The following SAMD12 variants were observed in gnomAD, a reference collection of about 807,000 sequenced individuals.
SAMD12 encodes sterile alpha motif domain containing 12.
Under a neutral mutation model 15.0 loss-of-function variants are expected in SAMD12, and 9 were observed. The observed-to-expected ratio is 0.60, with a 90% CI of 0.36 to 1.05. The LOEUF (loss-of-function observed/expected upper bound fraction) is 1.05. Ranked by LOEUF, SAMD12 falls within the 50% of genes least tolerant of loss-of-function variation. SAMD12 has a pLI of 0.01. For synonymous variants in SAMD12, 86 were observed against 90.1 expected (o/e 0.96, Z 0.25); for missense variants, 230 against 234.2 (o/e 0.98, Z 0.12).
intron 4 of SAMD12, among the ~76,000 whole-genome samples, chr8:118,340,723 T>G (rs1373249168): frequency 6.6e-6 from 1 of 152,024 alleles, no homozygotes; most frequent in African/African-American, 2.4e-5. Flanking sequence ...GAGCCAAGAT[T>G]TTGTCACTGC....
rs369744692 is a variant in SAMD12 at position 118,464,954 on chromosome 8, T to C, written c.193-24993A>G. Among the ~76,000 whole-genome samples the C allele has an allele frequency of 4.8e-4, 73 of 152,282 alleles. 1 individual carries two copies. The South Asian group carries it at 0.015, about 31-fold the overall frequency. ...ACTCTGCTGTGTTGTCTTCACTAAA[T>C]GGTTTGGTCTTTGTGGAGTTGAAGC... On this transcript the variant is annotated intron_variant, in intron 2 of 3. Coordinates refer to ENST00000314727, the MANE Select transcript of SAMD12 (RefSeq NM_207506.3).
At chr8:118,348,140 CCT>C (rs1456087929) in intron 4 of SAMD12, among the ~76,000 whole-genome samples, 1 of 151,780 alleles carries the variant, frequency 6.6e-6, no homozygotes, top group African/African-American at 2.4e-5. Context: ...GCAACGGTGC[CCT>C]CTCGGCTCAC....
intron 2 of SAMD12, among the ~76,000 whole-genome samples, chr8:118,533,572 T>C (rs571733889): frequency 6.6e-6 from 1 of 152,292 alleles, no homozygotes; most frequent in South Asian, 2.1e-4. Flanking sequence ...TGTGTGGGAG[T>C]CTAAGTCTCT....
At chr8:118,163,271 G>T in the SAMD12 span, among the ~76,000 whole-genome samples, 3 of 152,020 alleles carry the variant, frequency 2.0e-5, no homozygotes, top group African/African-American at 7.2e-5. Flanking sequence ...GTAGAGATGG[G>T]GACTCCCTCT....
intron 2 of SAMD12, among the ~76,000 whole-genome samples, chr8:118,468,297 G>C (rs1270252765): frequency 6.6e-6 from 1 of 151,852 alleles, no homozygotes; most frequent in Non-Finnish European, 1.5e-5. Context: ...AGCAAGGAGA[G>C]ATGGGTTTTT....
At chr8:118,507,684 T>G (rs927054403) in intron 2 of SAMD12, among the ~76,000 whole-genome samples, 7 of 152,218 alleles carry the variant, frequency 4.6e-5, no homozygotes, top group Non-Finnish European at 8.8e-5. Context: ...GTAGTACAAC[T>G]GATCCTTGAG....
At chr8:118,486,278 T>C (rs1483419872) in intron 2 of SAMD12, among the ~76,000 whole-genome samples, 2 of 151,758 alleles carry the variant, frequency 1.3e-5, no homozygotes, top group African/African-American at 2.4e-5. Context: ...TAGTCGGGTG[T>C]AGTGGTGGGC....
intron 2 of SAMD12, among the ~76,000 whole-genome samples, chr8:118,573,172 C>A (rs1024647266): frequency 5.9e-5 from 9 of 152,144 alleles, no homozygotes; most frequent in Non-Finnish European, 1.0e-4. Context: ...GCAACCTCCA[C>A]CTCCTGGGTT....
chr8:118,549,192 C>G (rs906451641), intron 2 of SAMD12, among the ~76,000 whole-genome samples: 1 of 152,250 alleles, frequency 6.6e-6, no homozygotes. Context: ...TCCCAGCACA[C>G]AGCTGGAGAT....
At chr8:118,318,310 GTATATATATATATA>G (rs55959055) in intron 4 of SAMD12, among the ~76,000 whole-genome samples, 7,966 of 112,968 alleles carry the variant, frequency 0.071, 294 homozygotes, top group African/African-American at 0.082. Context: ...AGATATATGT[GTATATATATATATA>G]TATATATATA....
chr8:118,482,595 A>C (rs1322374877), intron 2 of SAMD12, among the ~76,000 whole-genome samples: 1 of 152,168 alleles, frequency 6.6e-6, no homozygotes, highest in Non-Finnish European at 1.5e-5. Flanking sequence ...AGTAATCTAG[A>C]GATTAAAGTA....
At chr8:118,132,330 A>T in the SAMD12 span, among the ~76,000 whole-genome samples, 2 of 152,212 alleles carry the variant, frequency 1.3e-5, no homozygotes, top group Admixed American at 1.3e-4. Flanking sequence ...TTCTCCAGTG[A>T]GTACTCCCCA....
At chr8:118,384,550 C>A (rs951491307) in intron 3 of SAMD12, among the ~76,000 whole-genome samples, 2 of 152,068 alleles carry the variant, frequency 1.3e-5, no homozygotes, top group Non-Finnish European at 2.9e-5. Context: ...GAGGGAAAGA[C>A]AGACATCAGA....
At chr8:118,450,523 T>A (rs749963396) in intron 2 of SAMD12, among the ~76,000 whole-genome samples, 1 of 152,106 alleles carries the variant, frequency 6.6e-6, no homozygotes, top group Non-Finnish European at 1.5e-5. Context: ...AATCCCTCTG[T>A]GAATGTTCGA....
intron 3 of SAMD12, among the ~76,000 whole-genome samples, chr8:118,394,344 G>T (rs1321123260): frequency 6.6e-6 from 1 of 152,184 alleles, no homozygotes; most frequent in Non-Finnish European, 1.5e-5. Context: ...TGCTCAGCAA[G>T]TTCTTCCTCA....
intron 4 of SAMD12, among the ~76,000 whole-genome samples, chr8:118,298,472 T>C (rs554934416): frequency 6.6e-6 from 1 of 152,322 alleles, no homozygotes; most frequent in South Asian, 2.1e-4. Context: ...TCCCAGTTGA[T>C]TCTGATCCCC....
chr8:118,380,994 G>A (rs1040175518), intron 3 of SAMD12, among the ~76,000 whole-genome samples: 1 of 152,278 alleles, frequency 6.6e-6, no homozygotes, highest in South Asian at 2.1e-4. Flanking sequence ...GAGGAGAGAA[G>A]GTGCTAGAAG....
intron 2 of SAMD12, among the ~76,000 whole-genome samples, chr8:118,580,351 T>C (rs921588715): frequency 1.3e-5 from 2 of 152,144 alleles, no homozygotes; most frequent in Admixed American, 6.6e-5. Context: ...AGAAGTCATT[T>C]TATGATTCCC....
chr8:118,367,060 T>C (rs1818840582), intron 4 of SAMD12, among the ~76,000 whole-genome samples: 1 of 152,030 alleles, frequency 6.6e-6, no homozygotes, highest in Non-Finnish European at 1.5e-5. Flanking sequence ...GTGTAGTCTA[T>C]GCACATGGTA....
Sources: allele counts gnomAD v4.1 joint callset (sites outside exome capture counted in the v4.1 genomes callset), GRCh38; gene constraint gnomAD v4.1.1; transcripts MANE v1.5; gene names NCBI Gene and HGNC (gene_info 2026-07-23, HGNC 2026-07-21).